Variants in PALLD observed in about 807,000 individuals in gnomAD.
PALLD encodes palladin, cytoskeletal associated protein.
A neutral mutation model predicts 123.5 loss-of-function variants in PALLD; 61 were observed. The ratio of observed to expected loss-of-function variants is 0.49; its 90% confidence interval spans 0.40 to 0.61. The LOEUF (loss-of-function observed/expected upper bound fraction) is 0.61, where lower values mean the gene tolerates loss of function less well. Among genes scored for constraint, PALLD ranks in the 20% least tolerant of loss-of-function variants. PALLD has a pLI of 0.00. For synonymous variants in PALLD, 465 were observed against 496.4 expected, an observed-to-expected ratio of 0.94 and a Z score of 0.84; for missense variants, 1,273 against 1,377.0, an observed-to-expected ratio of 0.92 and a Z score of 1.20.
intron 10 of PALLD, among the ~76,000 whole-genome samples, chr4:168,845,072 G>T (rs918130402): frequency 1.3e-3 from 201 of 152,192 alleles, no homozygotes; most frequent in African/African-American, 4.7e-3. Context: ...GAGGGGGGAG[G>T]GCTGTGTGTC....
Position 168,878,328 on chromosome 4 carries a change from T to G in PALLD, c.1965-12594T>G, listed in dbSNP as rs587780760. On this transcript the variant is annotated intron_variant, in intron 10 of 21. Coordinates refer to ENST00000505667, the MANE Select transcript of PALLD (RefSeq NM_001166108.2). ...ACGCCCGCGGCCTTCCTCAGCGCTC[T>G]GCTGCCCTCGCAGCCGCCGCCGGCG... 7.3e-4 allele frequency: 1,112 copies of G among 1,523,130 alleles called. 1 individual carries two copies. The highest frequency in any genetic ancestry group is 5.6e-3 in the Middle Eastern group (25 of 4,482). The allele number at this position is 1,523,130 out of a possible 1,614,324, so 94.4% of individuals were successfully genotyped here.
intron 8 of PALLD, among the ~76,000 whole-genome samples, chr4:168,698,629 C>A (rs899135573): frequency 6.6e-6 from 1 of 152,050 alleles, no homozygotes; most frequent in African/African-American, 2.4e-5. Context: ...ACCGAGTGAG[C>A]CTTATATTTC....
chr4:168,924,020 G>A (rs994703776), intron 18 of PALLD, among the ~76,000 whole-genome samples: 3 of 152,188 alleles, frequency 2.0e-5, no homozygotes, highest in African/African-American at 7.2e-5. Flanking sequence ...ATGGCCAGTG[G>A]ACAGTGTGAG....
At chr4:168,821,880 A>C (rs906048074) in intron 10 of PALLD, among the ~76,000 whole-genome samples, 2 of 107,444 alleles carry the variant, frequency 1.9e-5, no homozygotes, top group Non-Finnish European at 3.9e-5. Context: ...ACGCTGTCTC[A>C]AAAAAAAAAA....
intron 2 of PALLD, among the ~76,000 whole-genome samples, chr4:168,557,074 C>T (rs1394896915): frequency 2.5e-5 from 3 of 120,256 alleles, no homozygotes; most frequent in African/African-American, 5.4e-5. Flanking sequence ...GACAGAGTCT[C>T]GCTCTGTTGC....
chr4:168,535,352 G>A (rs943753266), intron 2 of PALLD, among the ~76,000 whole-genome samples: 16 of 152,164 alleles, frequency 1.1e-4, no homozygotes, highest in Non-Finnish European at 4.4e-5. Flanking sequence ...TAATAGATGA[G>A]TAAACTGAGG....
chr4:168,841,016 A>T (rs1745960953), intron 10 of PALLD, among the ~76,000 whole-genome samples: 1 of 151,884 alleles, frequency 6.6e-6, no homozygotes, highest in Non-Finnish European at 1.5e-5. Flanking sequence ...ACGCCTGGCT[A>T]CTTTTTGTAT....
intron 10 of PALLD, among the ~76,000 whole-genome samples, chr4:168,860,812 C>CA (rs1250077487): frequency 7.9e-5 from 12 of 151,984 alleles, no homozygotes; most frequent in African/African-American, 2.7e-4. Context: ...GACAGAGTCT[C>CA]AAAAAACAAA....
intron 10 of PALLD, among the ~76,000 whole-genome samples, chr4:168,744,268 G>A (rs1296822394): frequency 7.2e-5 from 11 of 152,256 alleles, no homozygotes; most frequent in Admixed American, 4.6e-4. Context: ...CTCCTTGGGG[G>A]CCCCCTTTGT....
chr4:168,666,237 C>G (rs984343747), intron 2 of PALLD, among the ~76,000 whole-genome samples: 1 of 152,106 alleles, frequency 6.6e-6, no homozygotes, highest in African/African-American at 2.4e-5. Context: ...CTCTATGGAA[C>G]CTCTGTTGCA....
chr4:168,631,859 C>T lies in PALLD; in HGVS notation c.909-36331C>T, dbSNP rs1775849238. On this transcript the variant is annotated intron_variant, in intron 2 of 21. Transcript: ENST00000505667. ...AGATCTGAAAGACCCCCAAGAGGAGCTTGTTTGGGAGTGGGGGCAGACGGC... is the reference window on the plus strand; with the variant it reads ...AGATCTGAAAGACCCCCAAGAGGAGTTTGTTTGGGAGTGGGGGCAGACGGC... 4 of 985,390 alleles carry T rather than the reference C, an allele frequency of 4.1e-6. No homozygotes were observed. The Admixed American group carries it at 2.5e-4, about 61-fold the overall frequency. The allele number at this position is 985,390 out of a possible 1,614,324, so 61.0% of individuals were successfully genotyped here. A position where few individuals can be genotyped will look rare whatever the true frequency, so the allele number is the denominator to read the frequency against.
intron 10 of PALLD, chr4:168,828,875 G>A (rs1743797111): frequency 6.6e-6 from 1 of 152,254 alleles, no homozygotes. Flanking sequence ...TGTCACTCCT[G>A]ACGAAATAAA....
chr4:168,563,179 A>G (rs942427701), intron 2 of PALLD, among the ~76,000 whole-genome samples: 7 of 150,804 alleles, frequency 4.6e-5, no homozygotes, highest in Non-Finnish European at 1.0e-4. Flanking sequence ...TTGAGAAGAC[A>G]GTTGGTGTCA....
In PALLD at chr4:168,685,492, G is replaced by T. The variant is rs1781943093; in HGVS notation, c.1268G>T (p.Ser423Ile). The T allele has an allele frequency of 5.6e-6, 9 of 1,609,404 alleles. No homozygotes were observed. In the Middle Eastern group the frequency reaches 4.9e-4, roughly 88 times the overall value. ...ATGTCTCTGCTTTTGCAGGTTCACA[G>T]TCCAACTTCATATCTCTGCCGACCT... The part of the protein sequence containing the change: ...PLSVPVQQVH[S>I]PTSYLCRPDG... The change falls in exon 6 of 22, where the codon AGT becomes ATT. Residue 423 changes from serine to isoleucine, a missense_variant. By Grantham distance (142) the Ser-to-Ile change is moderately radical. Transcript: ENST00000505667.
chr4:168,681,548 T>C (rs1781551605), intron 4 of PALLD, 150 bp downstream of exon 4: 2 of 559,280 alleles, frequency 3.6e-6, no homozygotes, highest in Admixed American at 2.8e-5. Flanking sequence ...CAATTTTTTT[T>C]TTTTTTTTTT....
intron 2 of PALLD, chr4:168,631,677 A>G (rs1268537612): frequency 1.0e-6 from 1 of 985,304 alleles, no homozygotes; most frequent in African/African-American, 1.7e-5. Flanking sequence ...CTGCGCCGCC[A>G]GGAGGCTTCC....
intron 10 of PALLD, among the ~76,000 whole-genome samples, chr4:168,781,578 G>A (rs1735931515): frequency 6.6e-6 from 1 of 152,216 alleles, no homozygotes; most frequent in Admixed American, 6.5e-5. Context: ...TTGGAGATTT[G>A]AGGGAGGTGA....
intron 3 of PALLD, among the ~76,000 whole-genome samples, chr4:168,679,230 GGTGT>G (rs1268972979): frequency 9.2e-6 from 1 of 108,324 alleles, no homozygotes; most frequent in Non-Finnish European, 1.9e-5. Flanking sequence ...GTGTGTGTGT[GGTGT>G]GTGTGGGGTG....
chr4:168,785,274 A>G (rs1736549078), intron 10 of PALLD, among the ~76,000 whole-genome samples: 1 of 151,878 alleles, frequency 6.6e-6, no homozygotes, highest in Admixed American at 6.6e-5. Context: ...GTGAATGCGG[A>G]GTTTAAGGAG....
Sources: gnomAD v4.1 joint callset for allele counts (sites outside exome capture counted in the v4.1 genomes callset) on GRCh38, gnomAD v4.1.1 for gene constraint, MANE v1.5 for transcripts, NCBI Gene and HGNC (gene_info 2026-07-23, HGNC 2026-07-21) for gene names.